ANKRD30B: variants seen among roughly 807,000 people sequenced by gnomAD.
ANKRD30B encodes ankyrin repeat domain-containing protein 30B.
In ANKRD30B, 144 loss-of-function variants were observed where a neutral mutation model predicts 202.2. The observed-to-expected ratio is 0.71, with a 90% confidence interval of 0.62 to 0.82. ANKRD30B has a LOEUF of 0.82. Among genes scored for constraint, ANKRD30B ranks in the 40% least tolerant of loss-of-function variants. The pLI is 0.00. For synonymous variants in ANKRD30B, 508 were observed against 561.3 expected, an observed-to-expected ratio of 0.91 and a Z score of 1.34; for missense variants, 1,487 against 1,669.1, an observed-to-expected ratio of 0.89 and a Z score of 1.90.
At position 14,763,846 on chromosome 18, in the gene ANKRD30B, G is replaced by A; in HGVS notation, c.981G>A (p.Lys327=). 1 of 1,613,132 alleles carries A rather than the reference G, an allele frequency of 6.2e-7. No homozygotes were observed. Among genetic ancestry groups the A allele is most frequent in the African/African-American group, 1.3e-5 (1 of 74,986 alleles). Reference sequence around the variant, plus strand: ...GTCTGGGGAAAGCAACATCTGGAAAGTTTGAACAGTCAACAGAAGAAACAC... The same window carrying A: ...GTCTGGGGAAAGCAACATCTGGAAAATTTGAACAGTCAACAGAAGAAACAC... ...IQCLGKATSG[K]FEQSTEETPR... The change falls in exon 7 of 44, where the codon AAG becomes AAA. Residue 327 remains lysine (K), a synonymous_variant. Transcript: ENST00000690538.
At chr18:14,799,355 T>C (rs1880865796) in intron 22 of ANKRD30B, 60 bp downstream of exon 22, 4 of 1,391,062 alleles carry the variant, frequency 2.9e-6, no homozygotes, top group Admixed American at 5.5e-5. Context: ...TTTGAAATGC[T>C]GAGCACCTTT....
rs1913693345 is a variant in ANKRD30B at position 14,752,904 on chromosome 18, T to C, written c.402T>C (p.Tyr134=). ...ILIDAGADLN[Y]VDVYGNTALH... is the part of the protein sequence containing the mutation. ...TAGATGCTGGTGCTGATCTAAATTA[T>C]GTAGATGTGTATGGCAACACGGCTC... Residue 134 remains tyrosine, a synonymous_variant, in exon 3 of 44, where the codon TAT becomes TAC. Transcript: ENST00000690538. The C allele has an allele frequency of 6.2e-7, 1 of 1,606,442 alleles. No individual in the cohort carries two copies. Among genetic ancestry groups the C allele is most frequent in the Non-Finnish European group, 8.5e-7 (1 of 1,175,840 alleles).
the ANKRD30B span, among the ~76,000 whole-genome samples, chr18:14,900,065 A>T: frequency 1.3e-5 from 2 of 151,616 alleles, no homozygotes; most frequent in Non-Finnish European, 3.0e-5. Context: ...CAATTTTTTA[A>T]AAAATATTAA....
chr18:14,798,686 C>G lies in ANKRD30B; in HGVS notation c.2030-415C>G, dbSNP rs137893287. ...ATTTATAGGCTCTCCACAAGGGTAG[C>G]ATTCCATTCCCAGAGCTATGAACAT... On this transcript the variant is annotated intron_variant, in intron 20 of 43. Transcript: ENST00000690538. Among the ~76,000 whole-genome samples, 38 of 152,218 alleles carry G rather than the reference C, an allele frequency of 2.5e-4. No individual in the cohort carries two copies. In the East Asian group the frequency reaches 5.4e-3, roughly 22 times the overall value.
chr18:14,820,479 G>GTT (rs1970358345), intron 30 of ANKRD30B, among the ~76,000 whole-genome samples: 1 of 152,082 alleles, frequency 6.6e-6, no homozygotes, highest in Non-Finnish European at 1.5e-5. Context: ...TGCCCATTCA[G>GTT]TATGATATTG....
chr18:14,828,130 C>T, intron 32 of ANKRD30B, 148 bp from the exon 33 acceptor site: 1 of 641,302 alleles, frequency 1.6e-6, no homozygotes, highest in Non-Finnish European at 2.7e-6. Context: ...CTTTCAGACT[C>T]CTGGACCTCT....
At chr18:14,888,655 C>G in the ANKRD30B span, 4 of 453,186 alleles carry the variant, frequency 8.8e-6, no homozygotes, top group Non-Finnish European at 1.5e-5. Flanking sequence ...AAACAGTCCA[C>G]TTAAAGAAAT....
the ANKRD30B span, among the ~76,000 whole-genome samples, chr18:14,922,822 A>G: frequency 6.6e-6 from 1 of 152,086 alleles, no homozygotes; most frequent in Non-Finnish European, 1.5e-5. Flanking sequence ...ACTCCTTGTA[A>G]AAGCCGAGGC....
intron 33 of ANKRD30B, among the ~76,000 whole-genome samples, chr18:14,830,667 A>G (rs1227767105): frequency 6.6e-6 from 1 of 152,114 alleles, no homozygotes; most frequent in African/African-American, 2.4e-5. Flanking sequence ...TTTCTTCCTC[A>G]TTTTAGGTTA....
chr18:14,933,197 G>GT, the ANKRD30B span, among the ~76,000 whole-genome samples: 1 of 152,190 alleles, frequency 6.6e-6, no homozygotes, highest in East Asian at 1.9e-4. Context: ...TCTGTGGGGA[G>GT]TGGGGGAATG....
intron 24 of ANKRD30B, among the ~76,000 whole-genome samples, chr18:14,804,894 G>T (rs1969409012): frequency 6.6e-6 from 1 of 150,684 alleles, no homozygotes; most frequent in East Asian, 1.9e-4. Flanking sequence ...GATTATTTTG[G>T]ATTTTGTATG....
chr18:14,815,910 A>C (rs1970074554), intron 30 of ANKRD30B, among the ~76,000 whole-genome samples: 1 of 152,318 alleles, frequency 6.6e-6, no homozygotes, highest in African/African-American at 2.4e-5. Context: ...CCGTTATGCC[A>C]TATGGGTGTG....
At chr18:14,796,045 T>A (rs1968864120) in intron 16 of ANKRD30B, among the ~76,000 whole-genome samples, 176 bp from the exon 17 acceptor site, 1 of 152,198 alleles carries the variant, frequency 6.6e-6, no homozygotes, top group Admixed American at 6.5e-5. Context: ...TTCTTAAGTA[T>A]ATTTCTGTCC....
the ANKRD30B span, among the ~76,000 whole-genome samples, chr18:14,875,225 C>T: frequency 6.6e-6 from 1 of 152,256 alleles, no homozygotes; most frequent in East Asian, 1.9e-4. Flanking sequence ...ATTTTGTGTC[C>T]TCTGGAGCAA....
downstream of ANKRD30B, among the ~76,000 whole-genome samples, chr18:14,854,832 AACACACACACACACACAC>A (rs56259305): frequency 1.4e-4 from 19 of 134,182 alleles, no homozygotes; most frequent in African/African-American, 4.2e-4. Context: ...ACTATCCACG[AACACACACACACACACAC>A]ACACACACAC....
intron 18 of ANKRD30B, 106 bp downstream of exon 18, chr18:14,796,521 G>A: frequency 1.5e-6 from 2 of 1,335,844 alleles, no homozygotes; most frequent in Non-Finnish European, 2.0e-6. Context: ...AAATTTGGTG[G>A]GAAAATTTGA....
chr18:14,822,598 C>G lies in ANKRD30B; in HGVS notation c.2671-7C>G. 1 of 1,345,668 alleles carries G rather than the reference C, an allele frequency of 7.4e-7. No homozygotes were observed. The highest frequency in any genetic ancestry group is 1.0e-6 in the Non-Finnish European group (1 of 972,654). 83.4% of individuals were successfully genotyped at this position (1,345,668 alleles called of 1,614,324 possible). On this transcript the variant is annotated splice_polypyrimidine_tract_variant and splice_region_variant and intron_variant, in intron 31 of 43. Coordinates refer to ENST00000690538, the MANE Select transcript of ANKRD30B (RefSeq NM_001367607.2). The stretch of plus-strand genomic sequence containing the variant: ...ATAGTAATTATTGTGTTTCCAAACC[C>G]ATTTAGCCTACCTGTGGAATGAAAA...
chr18:14,789,018 A>G (rs575887371), intron 15 of ANKRD30B, among the ~76,000 whole-genome samples: 3 of 151,552 alleles, frequency 2.0e-5, no homozygotes, highest in African/African-American at 7.3e-5. Flanking sequence ...CCAACAGTGT[A>G]AAAGTGTTCC....
chr18:14,878,114 C>T, the ANKRD30B span, among the ~76,000 whole-genome samples: 12 of 152,150 alleles, frequency 7.9e-5, no homozygotes, highest in African/African-American at 2.7e-4. Flanking sequence ...GAGGTCCTAC[C>T]AGCTCATCTT....
Sources: allele counts gnomAD v4.1 joint callset (sites outside exome capture counted in the v4.1 genomes callset), GRCh38; gene constraint gnomAD v4.1.1; transcripts MANE v1.5; gene names NCBI Gene and HGNC (gene_info 2026-07-23, HGNC 2026-07-21).